The following RGS12 variants were observed in gnomAD, a reference collection of about 807,000 sequenced individuals.
RGS12 encodes regulator of G protein signaling 12, also known as regulator of G-protein signaling 12.
RGS12 carries 66 observed loss-of-function variants against 120.1 expected under a neutral mutation model. That is an observed-to-expected ratio of 0.55 (90% CI 0.45 to 0.67). The LOEUF is 0.67. Among genes scored for constraint, RGS12 ranks in the 30% least tolerant of loss-of-function variants. The pLI is 0.00. For synonymous variants in RGS12, 827 were observed against 804.7 expected (o/e 1.03, Z -0.47); for missense variants, 1,859 against 1,957.7 (o/e 0.95, Z 0.95).
At position 3,439,589 on chromosome 4, in the gene RGS12, GGT is replaced by G; in HGVS notation, c.4251_4252del (p.Gly1418AlafsTer15). 2 of 1,610,658 alleles carry G rather than the reference GGT, an allele frequency of 1.2e-6. No homozygotes were observed. Among genetic ancestry groups the G allele is most frequent in the Non-Finnish European group, 1.7e-6 (2 of 1,178,730 alleles). On this transcript the variant is annotated frameshift_variant, in exon 18 of 18. Transcript: ENST00000336727. LOFTEE classifies it low-confidence loss of function (END_TRUNC). ...QAGPGRSQAS[G>X]GPPTSDLPGL... ...TGGCCCTGGGAGGTCGCAGGCCAGT[GGT>G]GGGCCTCCTACATCAGACCTCCCTG...
At chr4:3,333,314 G>T (rs964795979) in intron 2 of RGS12, among the ~76,000 whole-genome samples, 3 of 152,200 alleles carry the variant, frequency 2.0e-5, no homozygotes, top group Non-Finnish European at 4.4e-5. Flanking sequence ...CTCCCAAAGT[G>T]CTGGGATTAC....
At chr4:3,385,871 C>A in intron 3 of RGS12, 1 of 158,606 alleles carries the variant, frequency 6.3e-6, no homozygotes. Flanking sequence ...TCTGCTGCCA[C>A]CCTGAGTGGT....
At chr4:3,343,358 T>C (rs1238008800) in intron 3 of RGS12, among the ~76,000 whole-genome samples, 1 of 152,238 alleles carries the variant, frequency 6.6e-6, no homozygotes, top group Non-Finnish European at 1.5e-5. Flanking sequence ...GGCCTGTCAT[T>C]GCCCCCTTAA....
rs369954430 is a variant in RGS12 at position 3,417,057 on chromosome 4, G to A, written c.2572G>A (p.Gly858Ser). 2.4e-5 allele frequency: 39 copies of A among 1,611,896 alleles called. 1 individual carries two copies. The highest frequency in any genetic ancestry group is 3.3e-4 in the Middle Eastern group (2 of 6,056). The change falls in exon 8 of 18, where the codon GGT becomes AGT. Residue 858 changes from glycine to serine, a missense_variant. Around this residue, in one of 3 missense-constraint regions of RGS12, gnomAD observed 375 missense variants for 475.0 expected, o/e 0.79. Coordinates refer to ENST00000336727, the MANE Select transcript of RGS12 (RefSeq NM_001394154.1). Reference protein sequence around the residue: ...PSSPASKHSLGSDHSSVSTPK... With the variant: ...PSSPASKHSLSSDHSSVSTPK... ...CAGCCCGGCTTCCAAGCACAGCCTC[G>A]GTTCAGACCACTCCAGTGTGTCCAC... is the stretch of plus-strand genomic sequence containing the variant.
At chr4:3,428,393 C>A in intron 15 of RGS12, 165 bp from the exon 16 acceptor site, 1 of 770,776 alleles carries the variant, frequency 1.3e-6, no homozygotes, top group Admixed American at 2.7e-5. Context: ...GCCTTAAATG[C>A]TATTCTTGTT....
At chr4:3,363,023 C>T (rs1229439689) in intron 3 of RGS12, among the ~76,000 whole-genome samples, 2 of 148,718 alleles carry the variant, frequency 1.3e-5, no homozygotes, top group African/African-American at 5.0e-5. Flanking sequence ...GAGTGCATGG[C>T]AAGGCCATTT....
intron 4 of RGS12, among the ~76,000 whole-genome samples, chr4:3,393,729 G>A (rs1049854567): frequency 6.6e-6 from 1 of 152,164 alleles, no homozygotes; most frequent in Non-Finnish European, 1.5e-5. Flanking sequence ...CTGGCAGGAG[G>A]GGAAGGCCTG....
chr4:3,384,940 C>T (rs994527381), intron 3 of RGS12, among the ~76,000 whole-genome samples: 4 of 152,152 alleles, frequency 2.6e-5, no homozygotes, highest in South Asian at 2.1e-4. Context: ...GGCCCTGTGC[C>T]GAGGTTGGGG....
chr4:3,344,364 G>T (rs529841606), intron 3 of RGS12, among the ~76,000 whole-genome samples: 1 of 152,306 alleles, frequency 6.6e-6, no homozygotes, highest in East Asian at 1.9e-4. Context: ...CTCAAAAGGG[G>T]TGTGTGCTAC....
At chr4:3,354,363 C>T (rs1298515995) in intron 3 of RGS12, among the ~76,000 whole-genome samples, 1 of 152,198 alleles carries the variant, frequency 6.6e-6, no homozygotes, top group East Asian at 1.9e-4. Flanking sequence ...CTGCCTTTCA[C>T]ATTTTGTCTT....
chr4:3,438,517 C>T (rs910651447), intron 17 of RGS12, among the ~76,000 whole-genome samples: 1 of 152,018 alleles, frequency 6.6e-6, no homozygotes. Flanking sequence ...CATGGAGCTC[C>T]GGGCGGCACA....
intron 16 of RGS12, among the ~76,000 whole-genome samples, chr4:3,429,545 T>C (rs1724016135): frequency 1.3e-5 from 2 of 152,236 alleles, no homozygotes; most frequent in South Asian, 4.1e-4. Flanking sequence ...GATTTGAGGT[T>C]CCTTGTAGTT....
chr4:3,412,576 G>T (rs867566907), intron 4 of RGS12, among the ~76,000 whole-genome samples: 1 of 152,232 alleles, frequency 6.6e-6, no homozygotes, highest in African/African-American at 2.4e-5. Flanking sequence ...CAGCCTGGGC[G>T]GCTTATCCTG....
chr4:3,362,439 G>GGT (rs961882489), intron 3 of RGS12, among the ~76,000 whole-genome samples: 1 of 149,556 alleles, frequency 6.7e-6, no homozygotes, highest in African/African-American at 2.5e-5. Context: ...GTTGTGCAAG[G>GGT]GTGTGTGTGT....
intron 3 of RGS12, among the ~76,000 whole-genome samples, chr4:3,348,466 A>G (rs1419032909): frequency 1.3e-5 from 2 of 152,240 alleles, no homozygotes; most frequent in Non-Finnish European, 1.5e-5. Flanking sequence ...GCCTGGAAGT[A>G]GAAGCTGATG....
At chr4:3,363,376 T>G (rs755897957) in intron 3 of RGS12, among the ~76,000 whole-genome samples, 1 of 152,192 alleles carries the variant, frequency 6.6e-6, no homozygotes, top group African/African-American at 2.4e-5. Context: ...TTAAAAATCC[T>G]GTTTCAGCTT....
chr4:3,412,788 A>G lies in RGS12; in HGVS notation c.2021-1284A>G, dbSNP rs933431425. Among the ~76,000 whole-genome samples the G allele has an allele frequency of 3.3e-5, 5 of 152,260 alleles. No homozygotes were observed. The South Asian group carries it at 6.2e-4, about 19-fold the overall frequency. On this transcript the variant is annotated intron_variant, in intron 4 of 17. Transcript: ENST00000336727. ...TTGTCACACGTCATCTGTGGTCAGC[A>G]GGGCATGGCTCAGCTGCAGGCTAAG...
At chr4:3,434,203 C>T (rs1053233937) in intron 17 of RGS12, among the ~76,000 whole-genome samples, 4 of 152,136 alleles carry the variant, frequency 2.6e-5, no homozygotes, top group African/African-American at 9.7e-5. Flanking sequence ...GGAGAGAGTA[C>T]GAGAACCGGC....
At chr4:3,287,809 G>T in the RGS12 span, among the ~76,000 whole-genome samples, 1 of 152,350 alleles carries the variant, frequency 6.6e-6, no homozygotes, top group East Asian at 1.9e-4. Flanking sequence ...GGTAGTCCCG[G>T]GACAGAGCAT....
Sources: gnomAD v4.1 joint callset for allele counts (sites outside exome capture counted in the v4.1 genomes callset) on GRCh38, gnomAD v4.1.1 for gene constraint, gnomAD v4.1.1 regional missense constraint, MANE v1.5 for transcripts, NCBI Gene and HGNC (gene_info 2026-07-23, HGNC 2026-07-21) for gene names.